Variants in NFAT5 observed in about 807,000 individuals in gnomAD.
The protein encoded by NFAT5 is nuclear factor of activated T-cells 5.
Under a neutral mutation model 166.5 loss-of-function variants are expected in NFAT5, and 31 were observed. The observed-to-expected ratio is 0.19, with a 90% CI of 0.14 to 0.25. The LOEUF is 0.25. NFAT5 is among the 10% of genes least tolerant of loss of function. NFAT5 has a pLI of 1.00. For missense variants in NFAT5, 1,449 were observed against 1,821.8 expected (o/e 0.80, Z 3.72); for synonymous variants, 612 against 639.7 (o/e 0.96, Z 0.65).
At chr16:69,609,506 A>C (rs1458794565) in intron 2 of NFAT5, among the ~76,000 whole-genome samples, 1 of 152,236 alleles carries the variant, frequency 6.6e-6, no homozygotes, top group Non-Finnish European at 1.5e-5. Context: ...TACGGAAAGT[A>C]AGGGAAACAA....
Position 69,692,731 on chromosome 16 carries a change from A to C in NFAT5, c.2906A>C (p.Gln969Pro). ...ALSTNEDMQMQCELFSSPPAV... is the reference protein window; with the variant it reads ...ALSTNEDMQMPCELFSSPPAV... The stretch of plus-strand genomic sequence containing the variant: ...TCTACCAATGAGGATATGCAAATGC[A>C]GTGTGAATTGTTTTCTTCTCCTCCT... Residue 969 changes from glutamine to proline, a missense_variant, in exon 13 of 15, where the codon CAG becomes CCG. Around this residue, in one of 7 missense-constraint regions of NFAT5, gnomAD observed 891 missense variants for 993.0 expected, o/e 0.90. Transcript: ENST00000349945. 6.2e-7 allele frequency: 1 copy of C among 1,614,274 alleles called. No homozygotes were observed. Among genetic ancestry groups the C allele is most frequent in the Non-Finnish European group, 8.5e-7 (1 of 1,180,048 alleles).
chr16:69,669,335 C>G (rs896893003), intron 7 of NFAT5, among the ~76,000 whole-genome samples: 2 of 152,054 alleles, frequency 1.3e-5, no homozygotes, highest in African/African-American at 4.8e-5. Flanking sequence ...GGGTGGATCA[C>G]AAGGTTCGAG....
At chr16:69,649,010 T>C (rs1210340465) in intron 4 of NFAT5, 29 of 958,922 alleles carry the variant, frequency 3.0e-5, no homozygotes, top group Non-Finnish European at 3.6e-5. Flanking sequence ...TTAAATGCTT[T>C]TCAGTTTTAG....
At chr16:69,576,358 A>C (rs2016751726) in intron 2 of NFAT5, among the ~76,000 whole-genome samples, 2 of 151,890 alleles carry the variant, frequency 1.3e-5, no homozygotes, top group Non-Finnish European at 2.9e-5. Flanking sequence ...ATAAGATTAC[A>C]CCATTGTTCA....
At chr16:69,587,581 G>T (rs2142952920) in intron 2 of NFAT5, among the ~76,000 whole-genome samples, 1 of 151,928 alleles carries the variant, frequency 6.6e-6, no homozygotes, top group South Asian at 2.1e-4. Flanking sequence ...TAGAGATAGG[G>T]TTTTGTCATG....
At chr16:69,587,502 A>G (rs567590498) in intron 2 of NFAT5, among the ~76,000 whole-genome samples, 108 of 150,988 alleles carry the variant, frequency 7.2e-4, no homozygotes, top group African/African-American at 2.5e-3. Context: ...CAGTTCTCCT[A>G]CCTTAGCCTC....
intron 2 of NFAT5, among the ~76,000 whole-genome samples, chr16:69,581,393 G>T (rs546229135): frequency 1.3e-5 from 2 of 152,170 alleles, no homozygotes; most frequent in Non-Finnish European, 2.9e-5. Context: ...CAATGCTGCT[G>T]TGAACATTCA....
In NFAT5 at chr16:69,687,046, T is replaced by G. The variant is rs186570487; in HGVS notation, c.1774+2076T>G. 2.0e-5 allele frequency among the ~76,000 whole-genome samples: 3 copies of G among 152,296 alleles called. No homozygotes were observed. In the East Asian group the frequency reaches 5.8e-4, roughly 29 times the overall value. On this transcript the variant is annotated intron_variant, in intron 11 of 14. Coordinates refer to ENST00000349945, the MANE Select transcript of NFAT5 (RefSeq NM_138713.4). The stretch of plus-strand genomic sequence containing the variant: ...AATGTACTACTAAATTGAAGTTGAC[T>G]AGAAGATTATTATTGAATTAACAAG...
chr16:69,589,803 AT>A (rs2032345654), intron 2 of NFAT5, among the ~76,000 whole-genome samples: 2 of 151,998 alleles, frequency 1.3e-5, no homozygotes, highest in Non-Finnish European at 2.9e-5. Context: ...GTTTCTCATT[AT>A]TTCTTCTCTG....
intron 7 of NFAT5, among the ~76,000 whole-genome samples, chr16:69,661,539 TAAAA>T (rs1037382239): frequency 6.9e-4 from 26 of 37,932 alleles, no homozygotes; most frequent in Admixed American, 2.5e-3. Context: ...CCCAGTCTCT[TAAAA>T]AAAAAAAAAA....
intron 2 of NFAT5, among the ~76,000 whole-genome samples, chr16:69,592,083 T>TC (rs1174968759): frequency 2.0e-5 from 3 of 146,780 alleles, no homozygotes; most frequent in South Asian, 2.2e-4. Flanking sequence ...ACTTTTTCTT[T>TC]TTTTTTTTTT....
chr16:69,646,523 C>T (rs1202900728), intron 3 of NFAT5: 3 of 1,249,738 alleles, frequency 2.4e-6, no homozygotes, highest in Non-Finnish European at 3.1e-6. Context: ...CCAGGATTTG[C>T]CTCTGAAGCA....
At chr16:69,651,665 A>G (rs1040482054) in intron 4 of NFAT5, among the ~76,000 whole-genome samples, 3 of 140,026 alleles carry the variant, frequency 2.1e-5, no homozygotes, top group African/African-American at 5.4e-5. Flanking sequence ...TTAAAAACAT[A>G]CGTGAATTTT....
intron 3 of NFAT5, among the ~76,000 whole-genome samples, chr16:69,645,250 A>G (rs765319266): frequency 1.6e-4 from 25 of 152,356 alleles, no homozygotes; most frequent in Middle Eastern, 6.8e-3. Flanking sequence ...TTAATGCATG[A>G]TACAAAATTG....
In NFAT5 at chr16:69,692,053, A is replaced by G. The variant is rs2037569228; in HGVS notation, c.2228A>G (p.Asp743Gly). ...CAGTCTAGAGAGATATTACAGTCAG[A>G]TGGTACAGTGGTTAATTTGTCACAA... The part of the protein sequence containing the change: ...ETQSREILQS[D>G]GTVVNLSQLT... The change falls in exon 13 of 15, where the codon GAT becomes GGT. Residue 743 changes from aspartate to glycine, a missense_variant. By Grantham distance (94) the Asp-to-Gly change is moderately conservative. Transcript: ENST00000349945. 6.2e-7 allele frequency: 1 copy of G among 1,614,198 alleles called. No homozygotes were observed. The highest frequency in any genetic ancestry group is 1.3e-5 in the African/African-American group (1 of 75,050).
intron 10 of NFAT5, among the ~76,000 whole-genome samples, chr16:69,680,884 G>A (rs781454438): frequency 6.6e-5 from 10 of 151,792 alleles, no homozygotes; most frequent in Non-Finnish European, 1.3e-4. Flanking sequence ...CACAGCCTCC[G>A]AAGTAGCTGG....
At position 69,698,411 on chromosome 16, in the gene NFAT5, T is replaced by C. The variant is rs183080560; in HGVS notation, c.*2060T>C. 2 of 152,440 alleles carry C rather than the reference T, an allele frequency of 1.3e-5. No homozygotes were observed. The highest frequency in any genetic ancestry group is 1.3e-4 in the Admixed American group (2 of 15,262). The allele number at this position is 152,440 out of a possible 1,614,324, so 9.4% of individuals were successfully genotyped here. ...TTTATATATATACATATATATAAAC[T>C]ATTCTTTTTTGCCACACATTTTTGT... On this transcript the variant is annotated 3_prime_UTR_variant, in exon 15 of 15. Coordinates refer to ENST00000349945, the MANE Select transcript of NFAT5 (RefSeq NM_138713.4).
intron 11 of NFAT5, among the ~76,000 whole-genome samples, chr16:69,687,960 C>T (rs967222136): frequency 8.0e-5 from 12 of 150,348 alleles, no homozygotes; most frequent in African/African-American, 2.0e-4. Flanking sequence ...TTTGGGAGGC[C>T]GAGGCGGGTG....
intron 2 of NFAT5, among the ~76,000 whole-genome samples, chr16:69,579,894 A>G (rs1012865866): frequency 6.6e-6 from 1 of 152,202 alleles, no homozygotes; most frequent in Non-Finnish European, 1.5e-5. Context: ...TAATAGACTT[A>G]TAGAACTGTA....
Sources: gnomAD v4.1 joint callset for allele counts (sites outside exome capture counted in the v4.1 genomes callset) on GRCh38, gnomAD v4.1.1 for gene constraint, gnomAD v4.1.1 regional missense constraint, MANE v1.5 for transcripts, NCBI Gene and HGNC (gene_info 2026-07-23, HGNC 2026-07-21) for gene names.